VPS13B: variants seen among roughly 807,000 people sequenced by gnomAD.
VPS13B encodes intermembrane lipid transfer protein VPS13B.
A neutral mutation model predicts 426.4 loss-of-function variants in VPS13B; 285 were observed. The observed-to-expected ratio is 0.67, with a 90% CI of 0.61 to 0.74. VPS13B has a LOEUF of 0.74. Ranked by LOEUF, VPS13B falls within the 30% of genes least tolerant of loss-of-function variation. The pLI is 0.00. For missense variants in VPS13B, 4,537 were observed against 4,782.6 expected (o/e 0.95, Z 1.51); for synonymous variants, 1,676 against 1,676.4 (o/e 1.00, Z 0.01).
intron 3 of VPS13B, among the ~76,000 whole-genome samples, chr8:99,086,312 G>T (rs982215261): frequency 1.3e-5 from 2 of 152,122 alleles, no homozygotes; most frequent in Non-Finnish European, 2.9e-5. Flanking sequence ...AGCTCCATCA[G>T]ATCCTTTAAG....
chr8:99,591,164 C>CTTTTTT (rs376201526), intron 33 of VPS13B, among the ~76,000 whole-genome samples: 13 of 96,534 alleles, frequency 1.3e-4, no homozygotes, highest in Non-Finnish European at 2.0e-4. Flanking sequence ...GCAACCGCTC[C>CTTTTTT]TTTTTTTTTT....
chr8:99,429,063 A>C (rs981231129), intron 21 of VPS13B, among the ~76,000 whole-genome samples: 8 of 152,204 alleles, frequency 5.3e-5, no homozygotes, highest in African/African-American at 1.9e-4. Flanking sequence ...TCTCACTCAT[A>C]GGTGGGAATT....
chr8:99,830,710 A>T (rs1187145848), intron 51 of VPS13B, among the ~76,000 whole-genome samples: 1 of 152,048 alleles, frequency 6.6e-6, no homozygotes, highest in Non-Finnish European at 1.5e-5. Flanking sequence ...TTGTGCTTGA[A>T]ACCCAGGGCT....
intron 14 of VPS13B, among the ~76,000 whole-genome samples, chr8:99,152,916 C>T (rs567597498): frequency 7.5e-4 from 114 of 152,284 alleles, no homozygotes; most frequent in African/African-American, 2.4e-3. Context: ...GTGGCTCATG[C>T]TTGTAATCCC....
intron 19 of VPS13B, among the ~76,000 whole-genome samples, chr8:99,315,534 GT>G (rs1047949205): frequency 5.9e-5 from 8 of 136,652 alleles, no homozygotes; most frequent in East Asian, 4.6e-4. Context: ...AAATCTTGGT[GT>G]TTTTTTTTTA....
chr8:99,774,169 A>G (rs2130656261), intron 40 of VPS13B, among the ~76,000 whole-genome samples: 1 of 152,316 alleles, frequency 6.6e-6, no homozygotes, highest in South Asian at 2.1e-4. Flanking sequence ...TACATATACT[A>G]TATTTTGTGT....
intron 44 of VPS13B, among the ~76,000 whole-genome samples, chr8:99,815,694 A>C (rs181986891): frequency 9.8e-5 from 15 of 152,346 alleles, no homozygotes; most frequent in Non-Finnish European, 2.1e-4. Context: ...TATTACAAAT[A>C]GGAAATTCAG....
At chr8:99,191,604 G>C (rs1449241868) in intron 16 of VPS13B, among the ~76,000 whole-genome samples, 1 of 151,432 alleles carries the variant, frequency 6.6e-6, no homozygotes, top group Non-Finnish European at 1.5e-5. Context: ...GGCTGGTCTC[G>C]AACTCCTGAC....
chr8:99,827,730 A>G (rs781013078), intron 51 of VPS13B, among the ~76,000 whole-genome samples: 3 of 152,142 alleles, frequency 2.0e-5, no homozygotes, highest in Non-Finnish European at 2.9e-5. Flanking sequence ...GGTGCTATAA[A>G]TATCCCTCTA....
At chr8:99,718,789 C>G (rs1314262497) in intron 37 of VPS13B, among the ~76,000 whole-genome samples, 1 of 151,798 alleles carries the variant, frequency 6.6e-6, no homozygotes, top group Non-Finnish European at 1.5e-5. Flanking sequence ...ACCTCAGCCT[C>G]CCGAGTACCC....
At chr8:99,873,385 A>AATC (rs1166171771) in intron 61 of VPS13B, 3 of 152,162 alleles carry the variant, frequency 2.0e-5, no homozygotes, top group Non-Finnish European at 4.4e-5. Flanking sequence ...GGGATTGTGG[A>AATC]ATCAGAGAAG....
At chr8:99,413,399 G>T (rs944217355) in intron 21 of VPS13B, among the ~76,000 whole-genome samples, 2 of 151,994 alleles carry the variant, frequency 1.3e-5, no homozygotes, top group African/African-American at 4.8e-5. Context: ...GGGATCAGTG[G>T]TGATCTCCCC....
intron 15 of VPS13B, among the ~76,000 whole-genome samples, chr8:99,166,092 G>A (rs993767670): frequency 6.6e-6 from 1 of 152,142 alleles, no homozygotes; most frequent in Admixed American, 6.5e-5. Context: ...TGATTCTCCT[G>A]CCTCAGCCTC....
At chr8:99,720,620 C>T in intron 38 of VPS13B, 68 bp downstream of exon 38, 1 of 1,515,154 alleles carries the variant, frequency 6.6e-7, no homozygotes, top group South Asian at 1.1e-5. Flanking sequence ...TGCATGTTGA[C>T]TAAATAAAAA....
At chr8:99,048,767 A>T (rs1288467625) in intron 3 of VPS13B, among the ~76,000 whole-genome samples, 2 of 151,206 alleles carry the variant, frequency 1.3e-5, no homozygotes. Flanking sequence ...GTGAGCCAAG[A>T]TCAAGCCACT....
chr8:99,474,033 G>A (rs912887625), intron 24 of VPS13B, among the ~76,000 whole-genome samples: 1 of 152,122 alleles, frequency 6.6e-6, no homozygotes, highest in East Asian at 1.9e-4. Flanking sequence ...TAGTTTGGAA[G>A]ACTCAAATTG....
At chr8:99,263,803 CTGAGGTTTAGCATA>C (rs1818169498) in intron 17 of VPS13B, among the ~76,000 whole-genome samples, 1 of 152,120 alleles carries the variant, frequency 6.6e-6, no homozygotes, top group African/African-American at 2.4e-5. Context: ...TTCACAGGTC[CTGAGGTTTAGCATA>C]TGAACATCTT....
Position 99,533,437 on chromosome 8 carries a change from A to G in VPS13B, c.4745+12427A>G, listed in dbSNP as rs187878058. On this transcript the variant is annotated intron_variant, in intron 30 of 61. Coordinates refer to ENST00000357162, the MANE Select transcript of VPS13B (RefSeq NM_152564.5). ...TCCAAATTCATTTCTCTTGTTATGT[A>G]TATACTCTTGACTAATTTTTAAATG... is the stretch of plus-strand genomic sequence containing the variant. 7.9e-5 allele frequency among the ~76,000 whole-genome samples: 12 copies of G among 152,284 alleles called. No individual in the cohort carries two copies. The East Asian group carries it at 1.9e-3, about 24-fold the overall frequency.
chr8:99,788,753 T>C (rs1588712079), intron 43 of VPS13B, among the ~76,000 whole-genome samples: 1 of 152,302 alleles, frequency 6.6e-6, no homozygotes, highest in Non-Finnish European at 1.5e-5. Context: ...CATTTAAAAA[T>C]GTAAAAACCA....
Sources: allele counts gnomAD v4.1 joint callset (sites outside exome capture counted in the v4.1 genomes callset), GRCh38; gene constraint gnomAD v4.1.1; transcripts MANE v1.5; gene names NCBI Gene and HGNC (gene_info 2026-07-23, HGNC 2026-07-21).